Variants in PCDHA11 observed in about 807,000 individuals in gnomAD.
PCDHA11 encodes protocadherin alpha 11.
In PCDHA11, 61 loss-of-function variants were observed where a neutral mutation model predicts 70.3. The ratio of observed to expected loss-of-function variants is 0.87; its 90% CI spans 0.71 to 1.07. The LOEUF (loss-of-function observed/expected upper bound fraction) is 1.07. Ranked by LOEUF, PCDHA11 falls within the 50% of genes least tolerant of loss-of-function variation. The pLI is 0.00. For missense variants in PCDHA11, 1,324 were observed against 1,237.5 expected (o/e 1.07, Z -1.05); for synonymous variants, 633 against 555.1 (o/e 1.14, Z -1.97).
intron 1 of PCDHA11, among the ~76,000 whole-genome samples, chr5:140,953,932 C>G (rs1005245846): frequency 1.2e-4 from 19 of 152,060 alleles, no homozygotes; most frequent in Non-Finnish European, 5.9e-5. Flanking sequence ...CTGATGCTCT[C>G]CCTCCCATTG....
At chr5:140,877,149 C>T in intron 1 of PCDHA11, 5 of 1,613,766 alleles carry the variant, frequency 3.1e-6, no homozygotes, top group Non-Finnish European at 4.2e-6. Flanking sequence ...TGGACGAGAA[C>T]GACAACGCGC....
intron 1 of PCDHA11, chr5:140,969,293 C>T: frequency 6.2e-7 from 1 of 1,614,188 alleles, no homozygotes; most frequent in Admixed American, 1.7e-5. Flanking sequence ...TGCTGGGAAC[C>T]TGATTATTCT....
In PCDHA11 at chr5:140,892,541, T is replaced by G. The variant is rs192378744; in HGVS notation, c.2391+21047T>G. Among the ~76,000 whole-genome samples, 3 of 152,250 alleles carry G rather than the reference T, an allele frequency of 2.0e-5. 1 individual carries two copies. The highest frequency in any genetic ancestry group is 7.2e-5 in the African/African-American group (3 of 41,464). ...CTGGTAGACTCAGGATTCTGACTTT[T>G]GTTTCTCTAGTCCTTGGAGACTGTC... On this transcript the variant is annotated intron_variant, in intron 1 of 3. Transcript: ENST00000398640.
rs782788057 is a variant in PCDHA11 at position 140,870,001 on chromosome 5, G to C, written c.898G>C (p.Glu300Gln). ...HLFTLDQNNG[E>Q]VRVNGTLDYE... ...ATTTACACTAGATCAAAATAATGGA[G>C]AAGTGAGGGTCAATGGAACTTTAGA... is the stretch of plus-strand genomic sequence containing the variant. The change falls in exon 1 of 4, where the codon GAA becomes CAA. Residue 300 changes from glutamate to glutamine, a missense_variant. By Grantham distance (29) the Glu-to-Gln change is conservative. Transcript: ENST00000398640. 2 of 1,613,448 alleles carry C rather than the reference G, an allele frequency of 1.2e-6. No individual in the cohort carries two copies. Among genetic ancestry groups the C allele is most frequent in the African/African-American group, 1.3e-5 (1 of 74,920 alleles).
At chr5:140,937,836 T>C (rs2091788765) in intron 1 of PCDHA11, among the ~76,000 whole-genome samples, 1 of 150,366 alleles carries the variant, frequency 6.7e-6, no homozygotes, top group Non-Finnish European at 1.5e-5. Flanking sequence ...GGCATGAACC[T>C]GGAAGGCGGA....
At chr5:140,944,907 T>A (rs246063) in intron 1 of PCDHA11, among the ~76,000 whole-genome samples, 85,748 of 151,952 alleles carry the variant, frequency 0.56, 24,800 homozygotes, top group African/African-American at 0.69. Flanking sequence ...TTCCACAAAC[T>A]TCTCTTTATA....
rs139859573 is a variant in PCDHA11, at chr5:140,940,130, A to G, written c.2392-38819A>G. ...TGTATTATTTACCTCTATTTCTGCT[A>G]GTGATAAACTATTATAGTTTTTGTT... On this transcript the variant is annotated intron_variant, in intron 1 of 3. Transcript: ENST00000398640. Among the ~76,000 whole-genome samples, 378 of 152,286 alleles carry G rather than the reference A, an allele frequency of 2.5e-3. 4 individuals carry two copies. Among genetic ancestry groups the G allele is most frequent in the Non-Finnish European group, 4.6e-3 (313 of 68,020 alleles).
chr5:140,958,617 A>C (rs2095434462), intron 1 of PCDHA11, among the ~76,000 whole-genome samples: 1 of 152,204 alleles, frequency 6.6e-6, no homozygotes, highest in Admixed American at 6.5e-5. Flanking sequence ...ATACTAGTCC[A>C]GCTTGAGAGT....
intron 1 of PCDHA11, among the ~76,000 whole-genome samples, chr5:140,900,452 T>A (rs2068062293): frequency 6.6e-6 from 1 of 152,222 alleles, no homozygotes; most frequent in South Asian, 2.1e-4. Flanking sequence ...TAATTTTTTA[T>A]TTTTAGTAGA....
At chr5:140,877,503 G>T in intron 1 of PCDHA11, 1 of 1,613,834 alleles carries the variant, frequency 6.2e-7, no homozygotes. Flanking sequence ...AGGCCCCAAA[G>T]ACGTCGTCGC....
At chr5:140,882,947 C>G in intron 1 of PCDHA11, 1 of 1,614,162 alleles carries the variant, frequency 6.2e-7, no homozygotes, top group Non-Finnish European at 8.5e-7. Context: ...TGGCACAGTT[C>G]AGCTGCTCAT....
At position 140,871,056 on chromosome 5, in the gene PCDHA11, G is replaced by A. The variant is rs1554165039; in HGVS notation, c.1953G>A (p.Lys651=). 1 of 1,613,234 alleles carries A rather than the reference G, an allele frequency of 6.2e-7. No homozygotes were observed. The highest frequency in any genetic ancestry group is 1.3e-5 in the African/African-American group (1 of 74,948). The change falls in exon 1 of 4, where the codon AAG becomes AAA. Residue 651 remains lysine (K), a synonymous_variant. Transcript: ENST00000398640. The stretch of plus-strand genomic sequence containing the variant: ...GCCACCGACTTCTAGTACTGGTGAA[G>A]GATCACGGTGAGCCGGCGCTGACGG... ...SPRHRLLVLV[K]DHGEPALTAT...
intron 1 of PCDHA11, among the ~76,000 whole-genome samples, chr5:140,874,104 A>G (rs251376): frequency 0.45 from 68,940 of 152,128 alleles, 15,928 homozygotes; most frequent in South Asian, 0.58. Context: ...GTTTTTAATT[A>G]CTTAACGTTT....
intron 1 of PCDHA11, chr5:140,884,465 G>C (rs782791774): frequency 1.2e-6 from 2 of 1,613,634 alleles, no homozygotes; most frequent in Admixed American, 3.3e-5. Context: ...GGGCGCGTGC[G>C]CGCCGGGCAA....
intron 1 of PCDHA11, chr5:140,966,947 G>A (rs782439197): frequency 6.2e-7 from 1 of 1,603,520 alleles, no homozygotes; most frequent in Middle Eastern, 1.7e-4. Context: ...CGTGGGCAAC[G>A]TGGCTCGCGC....
At chr5:140,967,010 C>A (rs781936791) in intron 1 of PCDHA11, 2 of 1,606,340 alleles carry the variant, frequency 1.2e-6, no homozygotes, top group Admixed American at 3.3e-5. Context: ...CATCAACCAT[C>A]TGGGTGCGCC....
chr5:140,978,758 C>A (rs925464508), intron 1 of PCDHA11, among the ~76,000 whole-genome samples, 191 bp from the exon 2 acceptor site: 6 of 152,148 alleles, frequency 3.9e-5, no homozygotes, highest in African/African-American at 1.4e-4. Context: ...TGTGTGAGGA[C>A]CCTGATGAAC....
At chr5:140,918,759 G>A (rs931610210) in intron 1 of PCDHA11, among the ~76,000 whole-genome samples, 7 of 152,130 alleles carry the variant, frequency 4.6e-5, no homozygotes, top group Non-Finnish European at 1.0e-4. Context: ...CCAGAGAGGT[G>A]CCTTGCCTCT....
chr5:140,882,708 C>T, intron 1 of PCDHA11: 2 of 1,614,174 alleles, frequency 1.2e-6, no homozygotes, highest in Non-Finnish European at 1.7e-6. Flanking sequence ...GAATCTAGAC[C>T]TCCGGAAACT....
Sources: gnomAD v4.1 joint callset for allele counts (sites outside exome capture counted in the v4.1 genomes callset) on GRCh38, gnomAD v4.1.1 for gene constraint, MANE v1.5 for transcripts, NCBI Gene and HGNC (gene_info 2026-07-23, HGNC 2026-07-21) for gene names.